TDRP: variants seen among roughly 807,000 people sequenced by gnomAD.
TDRP encodes testis development-related protein.
In TDRP, 12 loss-of-function variants were observed where a neutral mutation model predicts 10.5. That is an observed-to-expected ratio of 1.15 (90% CI 0.73 to 1.86). The LOEUF is 1.86. Among genes scored for constraint, TDRP ranks in the 40% most tolerant of loss-of-function variants. The pLI, the probability that TDRP is intolerant of heterozygous loss-of-function variation, is 0.00. For missense variants in TDRP, 353 were observed against 229.2 expected (o/e 1.54, Z -3.49); for synonymous variants, 139 against 95.4 (o/e 1.46, Z -2.67).
chr8:507,364 C>T (rs1463931358), intron 1 of TDRP, among the ~76,000 whole-genome samples: 1 of 152,134 alleles, frequency 6.6e-6, no homozygotes, highest in Admixed American at 6.5e-5. Context: ...GGGAATAAGA[C>T]AGCTGGAAGG....
chr8:508,689 C>G lies in TDRP; in HGVS notation c.109-14092G>C, dbSNP rs140409003. Among the ~76,000 whole-genome samples the G allele has an allele frequency of 1.8e-3, 273 of 152,234 alleles. 5 individuals are homozygous for G. In the East Asian group the frequency reaches 0.032, roughly 18 times the overall value. On this transcript the variant is annotated intron_variant, in intron 1 of 2. Coordinates refer to ENST00000324079, the MANE Select transcript of TDRP (RefSeq NM_001384899.1). Reference sequence around the variant, plus strand: ...TTTGGGTGGGGACACACAGCCAAACCGTATCATTCCACCCCTGGCCCCTCC... The same window carrying G: ...TTTGGGTGGGGACACACAGCCAAACGGTATCATTCCACCCCTGGCCCCTCC...
In TDRP at chr8:492,367, C is replaced by A; in HGVS notation, c.*32G>T. The A allele has an allele frequency of 6.8e-7, 1 of 1,463,846 alleles. No homozygotes were observed. Among genetic ancestry groups the A allele is most frequent in the East Asian group, 2.4e-5 (1 of 41,110 alleles). 90.7% of individuals were successfully genotyped at this position (1,463,846 alleles called of 1,614,324 possible). On this transcript the variant is annotated 3_prime_UTR_variant, in exon 3 of 3. Coordinates refer to ENST00000324079, the MANE Select transcript of TDRP (RefSeq NM_001384899.1). ...ACATGGTATACTCATAAAAGGCCAC[C>A]ATGTCGGGGCACACTTGCCACGCAG...
intron 1 of TDRP, among the ~76,000 whole-genome samples, chr8:534,636 T>C (rs192304650): frequency 2.2e-4 from 34 of 152,284 alleles, no homozygotes; most frequent in African/African-American, 7.9e-4. Context: ...AAAAAGGTAG[T>C]TCTCAATAGA....
At chr8:510,501 C>T (rs6994598) in intron 1 of TDRP, among the ~76,000 whole-genome samples, 55,294 of 151,980 alleles carry the variant, frequency 0.36, 10,316 homozygotes, top group Admixed American at 0.43. Context: ...TGACCAATAG[C>T]TTATAAAGGA....
At chr8:539,359 G>A (rs1802432062) in intron 1 of TDRP, among the ~76,000 whole-genome samples, 1 of 152,146 alleles carries the variant, frequency 6.6e-6, no homozygotes, top group African/African-American at 2.4e-5. Context: ...CACCAAGAAC[G>A]AAGCACCCTG....
Position 494,602 on chromosome 8 carries a change from T to TA in TDRP, c.109-6dup, listed in dbSNP as rs1268766432. ...TCGGAAACTTGCTCCCTGAACCTAA[T>TA]AAAAGGTTAAGAAAAATGTCAAATC... On this transcript the variant is annotated splice_polypyrimidine_tract_variant and splice_region_variant and intron_variant, in intron 1 of 2. Transcript: ENST00000324079. 3 of 1,612,844 alleles carry TA rather than the reference T, an allele frequency of 1.9e-6. No individual in the cohort carries two copies. The highest frequency in any genetic ancestry group is 2.5e-6 in the Non-Finnish European group (3 of 1,179,218).
Position 492,728 on chromosome 8 carries a change from T to C in TDRP, c.229A>G (p.Lys77Glu). The change falls in exon 3 of 3, where the codon AAA becomes GAA. Residue 77 changes from lysine to glutamate, a missense_variant. Coordinates refer to ENST00000324079, the MANE Select transcript of TDRP (RefSeq NM_001384899.1). ...TTCTTCTCTGCCTTCAACTCTTCTT[T>C]TAATCGTAAGTTAGTTCTATAGGAG... ...PKSKGTNLRLKEELKAEKKSG... is the reference protein window; with the variant it reads ...PKSKGTNLRLEEELKAEKKSG... The C allele has an allele frequency of 1.2e-6, 2 of 1,611,872 alleles. No individual in the cohort carries two copies. The highest frequency in any genetic ancestry group is 1.1e-5 in the South Asian group (1 of 90,786).
chr8:536,352 A>G (rs966737953), intron 1 of TDRP, among the ~76,000 whole-genome samples: 10 of 152,236 alleles, frequency 6.6e-5, no homozygotes, highest in Admixed American at 6.5e-4. Flanking sequence ...GTTGGCATTC[A>G]CTAAAAACAC....
chr8:500,875 GT>G (rs1356973195), intron 1 of TDRP, among the ~76,000 whole-genome samples: 1 of 152,214 alleles, frequency 6.6e-6, no homozygotes, highest in East Asian at 1.9e-4. Flanking sequence ...TTACACCACA[GT>G]ACCTGTGAAG....
chr8:539,014 G>A (rs1245295696), intron 1 of TDRP, among the ~76,000 whole-genome samples: 1 of 152,128 alleles, frequency 6.6e-6, no homozygotes, highest in East Asian at 1.9e-4. Context: ...TAACTATCCT[G>A]CAGGCCTATA....
At chr8:520,889 G>C (rs7009292) in intron 1 of TDRP, among the ~76,000 whole-genome samples, 22 of 151,746 alleles carry the variant, frequency 1.4e-4, no homozygotes, top group African/African-American at 4.4e-4. Flanking sequence ...TCCAAACGTT[G>C]CATTTTTACT....
At chr8:520,031 CGTTCAGAAGCT>C (rs1418459316) in intron 1 of TDRP, among the ~76,000 whole-genome samples, 14 of 152,264 alleles carry the variant, frequency 9.2e-5, no homozygotes, top group South Asian at 6.2e-4. Flanking sequence ...GGTCACAGCA[CGTTCAGAAGCT>C]GTATTTCAAA....
chr8:539,011 C>G (rs572758554), intron 1 of TDRP, among the ~76,000 whole-genome samples: 4 of 152,332 alleles, frequency 2.6e-5, no homozygotes, highest in African/African-American at 7.2e-5. Context: ...AAATAACTAT[C>G]CTGCAGGCCT....
intron 1 of TDRP, among the ~76,000 whole-genome samples, chr8:535,239 G>A (rs1418906796): frequency 2.0e-5 from 3 of 152,090 alleles, no homozygotes; most frequent in South Asian, 2.1e-4. Flanking sequence ...ACACTCGCCT[G>A]GTTCCCAAGT....
chr8:533,303 C>T (rs990747523), intron 1 of TDRP, among the ~76,000 whole-genome samples: 2 of 152,192 alleles, frequency 1.3e-5, no homozygotes, highest in Non-Finnish European at 2.9e-5. Context: ...GCACGTCCAT[C>T]GCAGCCTCAT....
At chr8:494,089 T>C (rs1241868098) in intron 2 of TDRP, among the ~76,000 whole-genome samples, 1 of 148,730 alleles carries the variant, frequency 6.7e-6, no homozygotes, top group African/African-American at 2.5e-5. Context: ...CCCGAGTAGC[T>C]GGGATTATAG....
At chr8:526,995 CTG>C in intron 1 of TDRP, among the ~76,000 whole-genome samples, 1 of 152,280 alleles carries the variant, frequency 6.6e-6, no homozygotes, top group East Asian at 1.9e-4. Context: ...TGACTCATGT[CTG>C]TAATCCCAGC....
chr8:503,678 C>G (rs534590589), intron 1 of TDRP, among the ~76,000 whole-genome samples: 1 of 145,072 alleles, frequency 6.9e-6, no homozygotes, highest in Non-Finnish European at 1.5e-5. Flanking sequence ...CACACCAACA[C>G]GGAATCCACG....
At chr8:534,648 T>A (rs73670306) in intron 1 of TDRP, among the ~76,000 whole-genome samples, 11 of 152,172 alleles carry the variant, frequency 7.2e-5, no homozygotes, top group African/African-American at 2.4e-4. Context: ...CTCAATAGAC[T>A]GCAGGAAAGA....
Sources: gnomAD v4.1 joint callset for allele counts (sites outside exome capture counted in the v4.1 genomes callset) on GRCh38, gnomAD v4.1.1 for gene constraint, MANE v1.5 for transcripts, NCBI Gene and HGNC (gene_info 2026-07-23, HGNC 2026-07-21) for gene names.